Variants in CDK15 observed in about 807,000 individuals in gnomAD.
The protein encoded by CDK15 is cyclin-dependent kinase 15.
Under a neutral mutation model 60.3 loss-of-function variants are expected in CDK15, and 62 were observed. That is an observed-to-expected ratio of 1.03 (90% confidence interval 0.84 to 1.27). The LOEUF is 1.27. Among genes scored for constraint, CDK15 ranks in the 50% most tolerant of loss-of-function variants. The pLI, the probability that CDK15 is intolerant of heterozygous loss-of-function variation, is 0.00. For missense variants in CDK15, 541 were observed against 527.8 expected (o/e 1.03, Z -0.25); for synonymous variants, 194 against 195.7 (o/e 0.99, Z 0.07).
At chr2:201,875,541 C>T (rs2105824231) in intron 11 of CDK15, among the ~76,000 whole-genome samples, 1 of 152,318 alleles carries the variant, frequency 6.6e-6, no homozygotes, top group Non-Finnish European at 1.5e-5. Context: ...GTACTACCTC[C>T]ATCCCAACAA....
intron 10 of CDK15, among the ~76,000 whole-genome samples, chr2:201,860,393 G>C (rs969533048): frequency 6.6e-6 from 1 of 152,226 alleles, no homozygotes; most frequent in Non-Finnish European, 1.5e-5. Context: ...TGATGTGCGT[G>C]CAAAGCATTT....
intron 11 of CDK15, among the ~76,000 whole-genome samples, chr2:201,872,994 CAG>C (rs919197223): frequency 8.5e-5 from 13 of 152,106 alleles, no homozygotes; most frequent in African/African-American, 2.9e-4. Context: ...ACATCAGAGA[CAG>C]GGGAAACGAG....
At chr2:201,868,549 G>A (rs190391560) in intron 10 of CDK15, among the ~76,000 whole-genome samples, 134 of 152,274 alleles carry the variant, frequency 8.8e-4, no homozygotes, top group African/African-American at 3.0e-3. Context: ...TCATTGGTTC[G>A]CTTCAGGTGA....
Position 201,880,202 on chromosome 2 carries a change from A to C in CDK15, c.1198+35A>C, listed in dbSNP as rs201942708. 357 of 1,608,806 alleles carry C rather than the reference A, an allele frequency of 2.2e-4. 1 individual carries two copies. The highest frequency in any genetic ancestry group is 2.7e-4 in the Non-Finnish European group (322 of 1,177,860). On this transcript the variant is annotated intron_variant, in intron 12 of 13. Transcript: ENST00000652192. Reference sequence around the variant, plus strand: ...GGAGTGTGTGCGTGTGCGTGAGTGCATGTGCGTGAGTGCGTGTGTGTGTAA... The same window carrying C: ...GGAGTGTGTGCGTGTGCGTGAGTGCCTGTGCGTGAGTGCGTGTGTGTGTAA...
chr2:201,829,142 T>A (rs1339457132), intron 6 of CDK15, among the ~76,000 whole-genome samples: 1 of 152,242 alleles, frequency 6.6e-6, no homozygotes, highest in Non-Finnish European at 1.5e-5. Context: ...TTATAAAGCT[T>A]ACACTGATGA....
intron 6 of CDK15, among the ~76,000 whole-genome samples, chr2:201,830,199 C>T (rs4673211): frequency 0.88 from 133,948 of 152,050 alleles, 59,604 homozygotes; most frequent in East Asian, 1. Flanking sequence ...CCTTGGCCTC[C>T]CAAAGTTCTG....
chr2:201,807,402 GA>G, intron 1 of CDK15, 91 bp from the exon 2 acceptor site: 1 of 1,345,788 alleles, frequency 7.4e-7, no homozygotes. Flanking sequence ...TTTGAAGAGT[GA>G]AAATGAGGCA....
chr2:201,850,634 C>A (rs1697866794), intron 9 of CDK15, among the ~76,000 whole-genome samples: 1 of 152,136 alleles, frequency 6.6e-6, no homozygotes, highest in Admixed American at 6.6e-5. Flanking sequence ...AAACTAACTT[C>A]ATTTCTTTGG....
intron 7 of CDK15, 50 bp from the exon 8 acceptor site, chr2:201,835,593 G>A (rs777164828): frequency 4.8e-6 from 7 of 1,472,524 alleles, no homozygotes; most frequent in South Asian, 1.5e-5. Context: ...GCATCATGGT[G>A]CAAGCCAAGG....
intron 6 of CDK15, among the ~76,000 whole-genome samples, chr2:201,824,202 T>A (rs1419216228): frequency 6.6e-6 from 1 of 152,234 alleles, no homozygotes; most frequent in African/African-American, 2.4e-5. Flanking sequence ...AAACTCTTAA[T>A]TAGCTATAAT....
chr2:201,816,817 T>C (rs752508388), intron 4 of CDK15, among the ~76,000 whole-genome samples: 2 of 152,144 alleles, frequency 1.3e-5, no homozygotes, highest in Non-Finnish European at 1.5e-5. Context: ...CCCACCAGTG[T>C]GCCATGTCAG....
rs932060279 is a variant in CDK15, at chr2:201,856,961, C to T, written c.1009+2024C>T. Among the ~76,000 whole-genome samples the T allele has an allele frequency of 9.3e-4, 46 of 49,724 alleles. 9 individuals carry two copies. The East Asian group carries it at 0.012, about 13-fold the overall frequency. The allele number at this position is 49,724 out of a possible 152,430, so 32.6% of individuals were successfully genotyped here. A position where few individuals can be genotyped will look rare whatever the true frequency, so the allele number is the denominator to read the frequency against. Reference sequence around the variant, plus strand: ...GGTTCCGGCCGGGCGCGGTGGCTCACGCCTGTAATCCCAGCACTTTGGGAG... The same window carrying T: ...GGTTCCGGCCGGGCGCGGTGGCTCATGCCTGTAATCCCAGCACTTTGGGAG... On this transcript the variant is annotated intron_variant, in intron 10 of 13. Coordinates refer to ENST00000652192, the MANE Select transcript of CDK15 (RefSeq NM_001366386.2).
chr2:201,843,064 T>C (rs1697472704), intron 8 of CDK15, among the ~76,000 whole-genome samples: 1 of 152,202 alleles, frequency 6.6e-6, no homozygotes, highest in South Asian at 2.1e-4. Flanking sequence ...AAATGTTTGC[T>C]TTAAGAATAG....
At chr2:201,864,989 G>A (rs1390800714) in intron 10 of CDK15, among the ~76,000 whole-genome samples, 1 of 152,180 alleles carries the variant, frequency 6.6e-6, no homozygotes, top group Non-Finnish European at 1.5e-5. Flanking sequence ...TGTGGGGCCA[G>A]TACTGCAGGA....
At chr2:201,866,958 G>A (rs10169314) in intron 10 of CDK15, among the ~76,000 whole-genome samples, 14,879 of 152,156 alleles carry the variant, frequency 0.098, 808 homozygotes, top group African/African-American at 0.12. Flanking sequence ...TGGGAGGGGC[G>A]TCAGCACAAT....
intron 8 of CDK15, among the ~76,000 whole-genome samples, chr2:201,842,470 G>T (rs1450708442): frequency 6.6e-6 from 1 of 152,136 alleles, no homozygotes; most frequent in African/African-American, 2.4e-5. Flanking sequence ...AAAAAGGGTG[G>T]TCTAGAGAAA....
chr2:201,889,071 A>C, intron 12 of CDK15: 1 of 985,404 alleles, frequency 1.0e-6, no homozygotes, highest in Non-Finnish European at 1.2e-6. Flanking sequence ...AATACAAGAC[A>C]ACGAGACCCC....
chr2:201,888,946 A>G, intron 12 of CDK15: 1 of 987,434 alleles, frequency 1.0e-6, no homozygotes, highest in East Asian at 1.1e-4. Flanking sequence ...ACAAGATCTA[A>G]TAGAAAGTAG....
At chr2:201,864,669 G>T (rs566089264) in intron 10 of CDK15, among the ~76,000 whole-genome samples, 150 of 152,250 alleles carry the variant, frequency 9.9e-4, no homozygotes, top group African/African-American at 3.4e-3. Context: ...CCAAAGTGCC[G>T]GGATTACAGG....
Sources: gnomAD v4.1 joint callset for allele counts (sites outside exome capture counted in the v4.1 genomes callset) on GRCh38, gnomAD v4.1.1 for gene constraint, MANE v1.5 for transcripts, NCBI Gene and HGNC (gene_info 2026-07-23, HGNC 2026-07-21) for gene names.